The following NCOA2 variants were observed in gnomAD, a reference collection of about 807,000 sequenced individuals.
NCOA2 encodes the protein class E basic helix-loop-helix protein 75.
A neutral mutation model predicts 145.1 loss-of-function variants in NCOA2; 21 were observed. The observed-to-expected ratio is 0.14, with a 90% CI of 0.10 to 0.21. The LOEUF (loss-of-function observed/expected upper bound fraction) is 0.21, where lower values mean the gene tolerates loss of function less well. Ranked by LOEUF, NCOA2 falls within the 10% of genes least tolerant of loss-of-function variation. NCOA2 has a pLI of 1.00. For synonymous variants in NCOA2, 619 were observed against 637.5 expected (o/e 0.97, Z 0.44); for missense variants, 1,472 against 1,837.6 (o/e 0.80, Z 3.64).
chr8:70,210,196 C>A (rs777204849), intron 4 of NCOA2, among the ~76,000 whole-genome samples: 1 of 152,178 alleles, frequency 6.6e-6, no homozygotes, highest in Non-Finnish European at 1.5e-5. Flanking sequence ...GAAAACAATA[C>A]GCCTATTCCA....
At chr8:70,196,116 G>A (rs1817280880) in intron 4 of NCOA2, among the ~76,000 whole-genome samples, 1 of 152,164 alleles carries the variant, frequency 6.6e-6, no homozygotes, top group Non-Finnish European at 1.5e-5. Flanking sequence ...GGTGGCTCAC[G>A]CCTGTAATCC....
intron 15 of NCOA2, among the ~76,000 whole-genome samples, chr8:70,133,200 C>CTTTTTTTTTTTTTTTTTT (rs57813061): frequency 4.7e-5 from 5 of 106,972 alleles, no homozygotes; most frequent in African/African-American, 1.6e-4. Flanking sequence ...CTGGCTGCTA[C>CTTTTTTTTTTTTTTTTTT]TTTTTTTTTT....
chr8:70,129,693 C>A (rs552541965), intron 16 of NCOA2, among the ~76,000 whole-genome samples: 1 of 151,462 alleles, frequency 6.6e-6, no homozygotes, highest in Non-Finnish European at 1.5e-5. Context: ...TTTTTTGAGA[C>A]GGAGTTTCGC....
chr8:70,368,804 ACT>A (rs1810940052), intron 1 of NCOA2, among the ~76,000 whole-genome samples: 1 of 152,198 alleles, frequency 6.6e-6, no homozygotes, highest in Non-Finnish European at 1.5e-5. Context: ...CCCTTTGGGT[ACT>A]GACAGAAATC....
upstream of NCOA2, chr8:70,403,885 T>A (rs1271914289): frequency 1.6e-5 from 5 of 311,872 alleles, no homozygotes; most frequent in African/African-American, 1.2e-4. Context: ...CCTCCGCGTC[T>A]CCGCACTTGC....
At chr8:70,238,284 AAAAC>A (rs1157929350) in intron 2 of NCOA2, among the ~76,000 whole-genome samples, 3 of 152,262 alleles carry the variant, frequency 2.0e-5, no homozygotes, top group Non-Finnish European at 2.9e-5. Context: ...TGCAGTTTAA[AAAAC>A]AAACAAAATA....
chr8:70,313,517 T>C (rs1805300266), intron 1 of NCOA2, among the ~76,000 whole-genome samples: 1 of 152,130 alleles, frequency 6.6e-6, no homozygotes, highest in South Asian at 2.1e-4. Context: ...CTCGGGAAGC[T>C]GAAAAGAGTT....
chr8:70,162,031 G>C (rs946586471), intron 9 of NCOA2, among the ~76,000 whole-genome samples: 2 of 152,168 alleles, frequency 1.3e-5, no homozygotes, highest in Non-Finnish European at 2.9e-5. Flanking sequence ...GAATGCTAGA[G>C]AGTCAGTCAT....
intron 1 of NCOA2, chr8:70,402,038 G>C (rs1477277330): frequency 6.6e-6 from 1 of 152,422 alleles, no homozygotes; most frequent in Non-Finnish European, 1.5e-5. Context: ...GGGTGACTCG[G>C]GGATGGACAA....
chr8:70,378,740 T>C (rs1811903619), intron 1 of NCOA2, among the ~76,000 whole-genome samples: 2 of 107,474 alleles, frequency 1.9e-5, no homozygotes, highest in South Asian at 3.4e-4. Context: ...TTGTAGGCTA[T>C]GCTAAAAAAA....
intron 14 of NCOA2, among the ~76,000 whole-genome samples, chr8:70,140,208 G>A (rs937320882): frequency 1.3e-5 from 2 of 152,114 alleles, no homozygotes; most frequent in South Asian, 2.1e-4. Context: ...ACTTCAGAAC[G>A]CTTTCATTCC....
chr8:70,305,983 T>A (rs1827857660), intron 1 of NCOA2, among the ~76,000 whole-genome samples: 1 of 152,206 alleles, frequency 6.6e-6, no homozygotes, highest in African/African-American at 2.4e-5. Flanking sequence ...TCAGAAGAAA[T>A]GTTATCAGAA....
chr8:70,347,603 T>C (rs948303752), intron 1 of NCOA2, among the ~76,000 whole-genome samples: 2 of 152,056 alleles, frequency 1.3e-5, no homozygotes, highest in African/African-American at 2.4e-5. Flanking sequence ...CTGCAATCAA[T>C]GAGCCATGAT....
At chr8:70,224,564 AC>A (rs531580586) in intron 2 of NCOA2, among the ~76,000 whole-genome samples, 120 of 152,206 alleles carry the variant, frequency 7.9e-4, no homozygotes, top group African/African-American at 2.8e-3. Flanking sequence ...TTTAAAACAG[AC>A]CTAGAACTTA....
chr8:70,305,049 C>CTTTTTT (rs780225619), intron 1 of NCOA2, among the ~76,000 whole-genome samples: 2 of 128,378 alleles, frequency 1.6e-5, no homozygotes, highest in African/African-American at 5.9e-5. Flanking sequence ...TTTATTCATT[C>CTTTTTT]TTTTTTTTTT....
chr8:70,174,630 C>T (rs1814625823), intron 5 of NCOA2, 126 bp downstream of exon 5: 2 of 833,698 alleles, frequency 2.4e-6, no homozygotes, highest in African/African-American at 1.7e-5. Context: ...TATCAGCAAG[C>T]TCAAGAGGTC....
At chr8:70,141,960 G>C (rs1810488143) in intron 13 of NCOA2, among the ~76,000 whole-genome samples, 1 of 152,134 alleles carries the variant, frequency 6.6e-6, no homozygotes, top group South Asian at 2.1e-4. Context: ...TCATAGCCAA[G>C]GCAAGGGAGT....
chr8:70,142,744 A>G (rs916741066), intron 13 of NCOA2, among the ~76,000 whole-genome samples: 4 of 152,196 alleles, frequency 2.6e-5, no homozygotes, highest in Non-Finnish European at 5.9e-5. Context: ...CTATTAACAC[A>G]TATTTTAAAA....
At chr8:70,120,429 G>C (rs1034981136) in intron 22 of NCOA2, among the ~76,000 whole-genome samples, 8 of 151,848 alleles carry the variant, frequency 5.3e-5, no homozygotes, top group Admixed American at 2.0e-4. Context: ...TTTAGAACAA[G>C]TGTTTAATAG....
Sources: gnomAD v4.1 joint callset for allele counts (sites outside exome capture counted in the v4.1 genomes callset) on GRCh38, gnomAD v4.1.1 for gene constraint, MANE v1.5 for transcripts, NCBI Gene and HGNC (gene_info 2026-07-23, HGNC 2026-07-21) for gene names.